Variants in MYH15 observed in about 807,000 individuals in gnomAD.
The protein encoded by MYH15 is myosin heavy chain 15, also known as myosin-15.
A neutral mutation model predicts 240.5 loss-of-function variants in MYH15; 227 were observed. That is an observed-to-expected ratio of 0.94 (90% CI 0.85 to 1.05). The LOEUF (loss-of-function observed/expected upper bound fraction) is 1.05, where lower values mean the gene tolerates loss of function less well. Ranked by LOEUF, MYH15 falls within the 50% of genes least tolerant of loss-of-function variation. The probability of loss-of-function intolerance (pLI) is 0.00; values close to 1 mark genes in which losing one functional copy is unlikely to be tolerated. For missense variants in MYH15, 2,217 were observed against 2,247.5 expected, an observed-to-expected ratio of 0.99 and a Z score of 0.27; for synonymous variants, 785 against 796.7, an observed-to-expected ratio of 0.99 and a Z score of 0.25.
the MYH15 span, among the ~76,000 whole-genome samples, chr3:108,542,692 C>G: frequency 9.5e-4 from 144 of 152,236 alleles, no homozygotes; most frequent in African/African-American, 3.1e-3. Flanking sequence ...CTTCCTGATG[C>G]TCTCTTGCCC....
chr3:108,408,367 C>A lies in MYH15; in HGVS notation c.4533G>T (p.Gly1511=). Reference sequence around the variant, plus strand: ...TTTCCATTTCAGTTAAGTTCTTGGTCCCTTCTCTAACCTGGTTTGTCAGAT... The same window carrying A: ...TTTCCATTTCAGTTAAGTTCTTGGTACCTTCTCTAACCTGGTTTGTCAGAT... ...ISNLTNQVRE[G]TKNLTEMEKV... The change falls in exon 32 of 41, where the codon GGG becomes GGT. Residue 1511 remains glycine (G), a synonymous_variant. Coordinates refer to ENST00000693548, the MANE Select transcript of MYH15 (RefSeq NM_014981.3). The A allele has an allele frequency of 6.2e-7, 1 of 1,613,094 alleles. No homozygotes were observed. The highest frequency in any genetic ancestry group is 8.5e-7 in the Non-Finnish European group (1 of 1,179,742).
At chr3:108,418,757 G>GTGTTGT (rs3053516) in intron 28 of MYH15, among the ~76,000 whole-genome samples, 2 of 150,970 alleles carry the variant, frequency 1.3e-5, no homozygotes, top group Non-Finnish European at 3.0e-5. Flanking sequence ...TCAGCCTCCC[G>GTGTTGT]TGTTGTTGTT....
chr3:108,444,605 A>G, intron 22 of MYH15, 35 bp downstream of exon 22: 1 of 1,604,856 alleles, frequency 6.2e-7, no homozygotes. Flanking sequence ...CTAATTAAAA[A>G]CTTGATTTAA....
At chr3:108,404,373 T>C (rs2082530670) in intron 33 of MYH15, among the ~76,000 whole-genome samples, 1 of 152,216 alleles carries the variant, frequency 6.6e-6, no homozygotes, top group Non-Finnish European at 1.5e-5. Context: ...AAGTTGCCAG[T>C]TGAATCTCAG....
chr3:108,536,836 T>C, the MYH15 span, among the ~76,000 whole-genome samples: 11 of 152,214 alleles, frequency 7.2e-5, no homozygotes, highest in Non-Finnish European at 1.3e-4. Context: ...TAATAACTTA[T>C]TGGCCTGGCA....
intron 3 of MYH15, 49 bp downstream of exon 3, chr3:108,501,663 G>A (rs745783732): frequency 3.7e-6 from 6 of 1,609,368 alleles, no homozygotes; most frequent in Admixed American, 3.3e-5. Context: ...ATTGGGACAT[G>A]CAATGTGACT....
At chr3:108,445,237 G>A (rs1359376604) in intron 21 of MYH15, among the ~76,000 whole-genome samples, 2 of 152,132 alleles carry the variant, frequency 1.3e-5, no homozygotes, top group South Asian at 2.1e-4. Flanking sequence ...ATGGAAGGAG[G>A]AAACAAGTCT....
chr3:108,418,720 C>T (rs187037079), intron 28 of MYH15, among the ~76,000 whole-genome samples: 15 of 150,538 alleles, frequency 1.0e-4, no homozygotes, highest in Admixed American at 9.9e-4. Context: ...CAACCTCCAC[C>T]TCCCAGGTTC....
the MYH15 span, among the ~76,000 whole-genome samples, chr3:108,541,776 T>G: frequency 6.6e-6 from 1 of 152,128 alleles, no homozygotes; most frequent in African/African-American, 2.4e-5. Flanking sequence ...TGACTTAAAC[T>G]ATATTGATCA....
intron 28 of MYH15, 82 bp downstream of exon 28, chr3:108,421,006 G>A: frequency 1.9e-6 from 3 of 1,578,706 alleles, no homozygotes; most frequent in South Asian, 1.1e-5. Flanking sequence ...AGCCTCAGTG[G>A]GTAGTTCATT....
upstream of MYH15, among the ~76,000 whole-genome samples, chr3:108,529,483 T>G (rs1258101644): frequency 1.3e-5 from 2 of 152,202 alleles, no homozygotes; most frequent in Non-Finnish European, 2.9e-5. Flanking sequence ...GAGAGCACAT[T>G]GTGGAAGGCT....
chr3:108,473,101 A>G (rs183583477), intron 12 of MYH15, among the ~76,000 whole-genome samples: 1 of 152,276 alleles, frequency 6.6e-6, no homozygotes, highest in East Asian at 1.9e-4. Flanking sequence ...TCCGCCTCCA[A>G]GGTTCAAACG....
intron 35 of MYH15, among the ~76,000 whole-genome samples, chr3:108,398,418 T>G (rs2082478451): frequency 6.6e-6 from 1 of 152,216 alleles, no homozygotes; most frequent in Non-Finnish European, 1.5e-5. Context: ...GAAAATAAAC[T>G]TCCGTTGCTT....
At position 108,463,064 on chromosome 3, in the gene MYH15, G is replaced by A. The variant is rs1576248832; in HGVS notation, c.1864+47C>T. ...TTTTTGCAAAAGCTGAGGCAGCCAT[G>A]GGTTCCATTCTGAGGCTGAAAAATC... On this transcript the variant is annotated intron_variant, in intron 16 of 40. Transcript: ENST00000693548. The A allele has an allele frequency of 2.6e-6, 4 of 1,560,584 alleles. No homozygotes were observed. The South Asian group carries it at 3.7e-5, about 14-fold the overall frequency.
chr3:108,530,000 G>A (rs1183029131), upstream of MYH15, among the ~76,000 whole-genome samples: 2 of 152,152 alleles, frequency 1.3e-5, no homozygotes, highest in Admixed American at 6.6e-5. Context: ...ATGTGTATGA[G>A]GAAAGGACCA....
chr3:108,499,625 C>A, intron 4 of MYH15, 143 bp from the exon 5 acceptor site: 3 of 789,898 alleles, frequency 3.8e-6, no homozygotes, highest in Middle Eastern at 3.8e-4. Context: ...GAAAAACATA[C>A]CCCTCAAATG....
At chr3:108,417,804 C>T (rs200064093) in intron 28 of MYH15, among the ~76,000 whole-genome samples, 16,847 of 149,158 alleles carry the variant, frequency 0.11, 1,025 homozygotes, top group South Asian at 0.21. Flanking sequence ...TATACACACA[C>T]ACACACACAC....
intron 1 of MYH15, among the ~76,000 whole-genome samples, chr3:108,528,065 C>T (rs945688259): frequency 2.4e-4 from 37 of 152,042 alleles, no homozygotes; most frequent in Admixed American, 9.2e-4. Context: ...AGTATTAATC[C>T]GTTAATGAGG....
chr3:108,388,614 G>T (rs1035957209), intron 38 of MYH15, among the ~76,000 whole-genome samples: 1 of 152,168 alleles, frequency 6.6e-6, no homozygotes, highest in African/African-American at 2.4e-5. Context: ...GCCACCCCGA[G>T]CCTCTGCCAT....
Sources: gnomAD v4.1 joint callset for allele counts (sites outside exome capture counted in the v4.1 genomes callset) on GRCh38, gnomAD v4.1.1 for gene constraint, MANE v1.5 for transcripts, NCBI Gene and HGNC (gene_info 2026-07-23, HGNC 2026-07-21) for gene names.